MAPKBP1: variants seen among roughly 807,000 people sequenced by gnomAD.
The protein encoded by MAPKBP1 is mitogen-activated protein kinase-binding protein 1.
Under a neutral mutation model 170.5 loss-of-function variants are expected in MAPKBP1, and 71 were observed. The observed-to-expected ratio is 0.42, with a 90% CI of 0.34 to 0.51. The LOEUF (loss-of-function observed/expected upper bound fraction) is 0.51, where lower values mean the gene tolerates loss of function less well. Among genes scored for constraint, MAPKBP1 ranks in the 20% least tolerant of loss-of-function variants. MAPKBP1 has a pLI of 0.06. For synonymous variants in MAPKBP1, 719 were observed against 757.9 expected (o/e 0.95, Z 0.84); for missense variants, 1,598 against 1,933.0 (o/e 0.83, Z 3.25).
chr15:41,787,414 C>G (rs2064317605), intron 2 of MAPKBP1, among the ~76,000 whole-genome samples: 1 of 152,020 alleles, frequency 6.6e-6, no homozygotes, highest in South Asian at 2.1e-4. Flanking sequence ...GTCGCCCAGG[C>G]TAGAGTGCAG....
chr15:41,818,140 G>A lies in MAPKBP1; in HGVS notation c.1981-54G>A. The A allele has an allele frequency of 6.2e-7, 1 of 1,608,270 alleles. No homozygotes were observed. The highest frequency in any genetic ancestry group is 8.5e-7 in the Non-Finnish European group (1 of 1,174,736). On this transcript the variant is annotated intron_variant, in intron 17 of 30. Transcript: ENST00000457542. The surrounding 1 kb of genome is among the most constrained non-coding windows in gnomAD (Gnocchi z 5.2). ...GCTCGGGGACAGAGTGGTGCTGGGT[G>A]GGAGGGACTGGTACTTCCCATGTCC... is the stretch of plus-strand genomic sequence containing the variant.
At chr15:41,774,928 A>C in intron 1 of MAPKBP1, 1 of 476,796 alleles carries the variant, frequency 2.1e-6, no homozygotes, top group Non-Finnish European at 3.7e-6. Flanking sequence ...ACTGGGGCCC[A>C]TCCCATCCAT....
chr15:41,824,390 G>GAGGGCT, intron 29 of MAPKBP1, 94 bp from the exon 30 acceptor site: 1 of 1,197,868 alleles, frequency 8.3e-7, no homozygotes, highest in Non-Finnish European at 1.2e-6. Flanking sequence ...GTGCAATGCT[G>GAGGGCT]AGGGCTAGGT....
At chr15:41,800,399 A>G (rs574864274) in intron 3 of MAPKBP1, among the ~76,000 whole-genome samples, 2 of 151,962 alleles carry the variant, frequency 1.3e-5, no homozygotes, top group East Asian at 1.9e-4. Flanking sequence ...GCTGGAGTGC[A>G]GTGGCTCGAT....
At chr15:41,799,050 G>A (rs1245025696) in intron 2 of MAPKBP1, among the ~76,000 whole-genome samples, 1 of 152,218 alleles carries the variant, frequency 6.6e-6, no homozygotes, top group Admixed American at 6.5e-5. Context: ...TTTGAGGTTA[G>A]TTCGTGTGGG....
intron 3 of MAPKBP1, among the ~76,000 whole-genome samples, chr15:41,803,434 A>AAGAAAAAAAAG (rs1555450775): frequency 1.1e-5 from 1 of 90,758 alleles, no homozygotes; most frequent in South Asian, 4.0e-4. Flanking sequence ...AAAAAAAAAA[A>AAGAAAAAAAAG]AGGTTAAGCA....
chr15:41,784,106 CCT>C (rs939726932), intron 2 of MAPKBP1, among the ~76,000 whole-genome samples: 3 of 152,224 alleles, frequency 2.0e-5, no homozygotes, highest in African/African-American at 7.2e-5. Flanking sequence ...TGCAGGCCTA[CCT>C]CCATTACCCT....
chr15:41,812,063 G>A lies in MAPKBP1; in HGVS notation c.434G>A (p.Ser145Asn), dbSNP rs201007436. The change falls in exon 6 of 31, where the codon AGC (serine) becomes AAC (asparagine). Residue 145 changes from serine to asparagine, a missense_variant. Coordinates refer to ENST00000457542, the MANE Select transcript of MAPKBP1 (RefSeq NM_014994.3). ...YGVACVAFSP[S>N]AKYIVSVGYQ... ...GTGGCTTGTGTGGCCTTCTCTCCTA[G>A]CGCCAAGTACATTGTCTCTGTGGGC... 3.6e-5 allele frequency: 58 copies of A among 1,614,082 alleles called. No homozygotes were observed. The Admixed American group carries it at 7.8e-4, about 22-fold the overall frequency.
At chr15:41,782,315 A>G (rs1048883942) in intron 2 of MAPKBP1, among the ~76,000 whole-genome samples, 1 of 151,900 alleles carries the variant, frequency 6.6e-6, no homozygotes, top group African/African-American at 2.4e-5. Flanking sequence ...GTGTACAAAT[A>G]TAATATTGTA....
In MAPKBP1 at chr15:41,823,612, G is replaced by T; in HGVS notation, c.3764G>T (p.Ser1255Ile). ...TTSSMAKISRSISVGENLGLV... is the reference protein window; with the variant it reads ...TTSSMAKISRIISVGENLGLV... ...AGTTCCATGGCCAAGATATCCCGCA[G>T]TATCTCTGTTGGGGAGAACCTGGGC... The change falls in exon 29 of 31, where the codon AGT (serine) becomes ATT (isoleucine). Residue 1255 changes from serine to isoleucine, a missense_variant. Around this residue, in one of 6 missense-constraint regions of MAPKBP1, gnomAD observed 942 missense variants for 953.2 expected, o/e 0.99. Coordinates refer to ENST00000457542, the MANE Select transcript of MAPKBP1 (RefSeq NM_014994.3). 6.2e-7 allele frequency: 1 copy of T among 1,614,144 alleles called. No individual in the cohort carries two copies. Among genetic ancestry groups the T allele is most frequent in the Non-Finnish European group, 8.5e-7 (1 of 1,180,022 alleles).
rs1233922724 is a variant in MAPKBP1 at position 41,825,785 on chromosome 15, A to C, written c.*349A>C. On this transcript the variant is annotated 3_prime_UTR_variant, in exon 31 of 31. Coordinates refer to ENST00000457542, the MANE Select transcript of MAPKBP1 (RefSeq NM_014994.3). ...CTTAGAAGCCATTTGAAATTACTGC[A>C]GGGATTAGCTCCCTGTGGTGGAGCA... 1.8e-5 allele frequency: 4 copies of C among 220,600 alleles called. No homozygotes were observed. The highest frequency in any genetic ancestry group is 5.5e-5 in the Admixed American group (1 of 18,046). 13.7% of individuals were successfully genotyped at this position (220,600 alleles called of 1,614,324 possible).
At chr15:41,800,509 A>AT (rs1383851680) in intron 3 of MAPKBP1, among the ~76,000 whole-genome samples, 4 of 151,910 alleles carry the variant, frequency 2.6e-5, no homozygotes, top group African/African-American at 9.7e-5. Context: ...TGCCTGGCTA[A>AT]TTTTTTGTAG....
rs372271667 is a variant in MAPKBP1 at position 41,811,981 on chromosome 15, G to A, written c.352G>A (p.Val118Ile). 153 of 1,614,064 alleles carry A rather than the reference G, an allele frequency of 9.5e-5. No homozygotes were observed. The highest frequency in any genetic ancestry group is 2.8e-4 in the Admixed American group (17 of 59,994). Reference protein sequence around the residue: ...GESGHMPAVRVWDVAEHSQVA... With the variant: ...GESGHMPAVRIWDVAEHSQVA... ...GAGTGGGCACATGCCTGCCGTGCGGGTTTGGGACGTGGCAGAGCACAGCCA... is the reference window on the plus strand; with the variant it reads ...GAGTGGGCACATGCCTGCCGTGCGGATTTGGGACGTGGCAGAGCACAGCCA... Residue 118 changes from valine to isoleucine, a missense_variant, in exon 6 of 31, where the codon GTT becomes ATT. Physicochemically the swap from Val to Ile is conservative, Grantham distance 29 (BLOSUM62 3). Coordinates refer to ENST00000457542, the MANE Select transcript of MAPKBP1 (RefSeq NM_014994.3).
intron 11 of MAPKBP1, 58 bp from the exon 12 acceptor site, chr15:41,815,566 C>G (rs2064876268): frequency 5.1e-6 from 8 of 1,570,138 alleles, no homozygotes. Context: ...CTTTCTTGCC[C>G]CTTGCAGCTG....
At position 41,822,158 on chromosome 15, in the gene MAPKBP1, G is replaced by A. The variant is rs1269646173; in HGVS notation, c.3031+48G>A. The A allele has an allele frequency of 5.6e-6, 9 of 1,595,510 alleles. 1 individual carries two copies. The Admixed American group carries it at 1.4e-4, about 24-fold the overall frequency. On this transcript the variant is annotated intron_variant, in intron 25 of 30. Coordinates refer to ENST00000457542, the MANE Select transcript of MAPKBP1 (RefSeq NM_014994.3). The stretch of plus-strand genomic sequence containing the variant: ...GGGGCCATGGGGGGTGGGGCCTGGA[G>A]GTGGGTGGGGAGGCTCTGGCAACAG...
intron 2 of MAPKBP1, among the ~76,000 whole-genome samples, chr15:41,791,648 G>C (rs1463336476): frequency 2.0e-5 from 3 of 152,142 alleles, no homozygotes; most frequent in African/African-American, 7.2e-5. Flanking sequence ...ATCTTATGCT[G>C]TGCCACCTCT....
At chr15:41,821,138 G>T in intron 23 of MAPKBP1, 70 bp downstream of exon 23, 1 of 1,424,490 alleles carries the variant, frequency 7.0e-7, no homozygotes, top group Non-Finnish European at 9.9e-7. Context: ...CACCAGCTGG[G>T]ACCTGAGCAC....
rs2064919562 is a variant in MAPKBP1 at position 41,817,805 on chromosome 15, A to AGTT, written c.1904+71_1904+73dup. The AGTT allele has an allele frequency of 1.3e-6, 2 of 1,593,850 alleles. No individual in the cohort carries two copies. The highest frequency in any genetic ancestry group is 1.7e-6 in the Non-Finnish European group (2 of 1,169,160). On this transcript the variant is annotated intron_variant, in intron 16 of 30. Transcript: ENST00000457542. This position sits in a 1 kb window ranked among gnomAD's most constrained non-coding sequence, Gnocchi z 4.2. ...CTACGGGGTCAGCTCTGTGCAGCTAAGTTCCCACATCTGTCGTTCTGTACA... is the reference window on the plus strand; with the variant it reads ...CTACGGGGTCAGCTCTGTGCAGCTAAGTTGTTCCCACATCTGTCGTTCTGTACA...
In MAPKBP1 at chr15:41,820,922, C is replaced by A. The variant is rs369368464; in HGVS notation, c.2572C>A (p.Leu858Met). The A allele has an allele frequency of 1.5e-5, 25 of 1,614,090 alleles. No individual in the cohort carries two copies. Among genetic ancestry groups the A allele is most frequent in the Non-Finnish European group, 1.7e-5 (20 of 1,180,048 alleles). ...RGRWVQPGVELSVRSMLDLRQ... is the reference protein window; with the variant it reads ...RGRWVQPGVEMSVRSMLDLRQ... ...GCGCTGGGTTCAGCCAGGTGTGGAACTGAGCGTTAGATCCATGCTGGATCT... is the reference window on the plus strand; with the variant it reads ...GCGCTGGGTTCAGCCAGGTGTGGAAATGAGCGTTAGATCCATGCTGGATCT... The change falls in exon 23 of 31, where the codon CTG (leucine) becomes ATG (methionine). Residue 858 changes from leucine to methionine, a missense_variant. Physicochemically the swap from Leu to Met is conservative, Grantham distance 15. Around this residue, in one of 6 missense-constraint regions of MAPKBP1, gnomAD observed 942 missense variants for 953.2 expected, o/e 0.99. Coordinates refer to ENST00000457542, the MANE Select transcript of MAPKBP1 (RefSeq NM_014994.3).
Sources: gnomAD v4.1 joint callset for allele counts (sites outside exome capture counted in the v4.1 genomes callset) on GRCh38, gnomAD v4.1.1 for gene constraint, gnomAD v4.1.1 regional missense constraint, Gnocchi (gnomAD v3.1) non-coding constraint, MANE v1.5 for transcripts, NCBI Gene and HGNC (gene_info 2026-07-23, HGNC 2026-07-21) for gene names.